The following GDPD4 variants were observed in gnomAD, a reference collection of about 807,000 sequenced individuals.
GDPD4 encodes glycerophosphodiester phosphodiesterase 6.
Under a neutral mutation model 67.8 loss-of-function variants are expected in GDPD4, and 60 were observed. The ratio of observed to expected loss-of-function variants is 0.88; its 90% CI spans 0.72 to 1.10. The LOEUF (loss-of-function observed/expected upper bound fraction) is 1.10. Among genes scored for constraint, GDPD4 ranks in the 50% least tolerant of loss-of-function variants. The pLI is 0.00. For missense variants in GDPD4, 623 were observed against 613.9 expected (o/e 1.01, Z -0.16); for synonymous variants, 212 against 210.9 (o/e 1.00, Z -0.04).
At chr11:77,233,331 T>C (rs996194311) in intron 13 of GDPD4, among the ~76,000 whole-genome samples, 159 bp from the exon 14 acceptor site, 7 of 151,264 alleles carry the variant, frequency 4.6e-5, no homozygotes, top group South Asian at 4.2e-4. Flanking sequence ...AATGGGCTCA[T>C]AGTACAATAA....
At chr11:77,222,446 G>C (rs1282545845) in intron 16 of GDPD4, among the ~76,000 whole-genome samples, 1 of 152,152 alleles carries the variant, frequency 6.6e-6, no homozygotes, top group East Asian at 1.9e-4. Context: ...GCATTTGCTT[G>C]TCTGTAAAGG....
At chr11:77,265,296 G>A (rs1959173203) in intron 10 of GDPD4, among the ~76,000 whole-genome samples, 1 of 152,182 alleles carries the variant, frequency 6.6e-6, no homozygotes, top group African/African-American at 2.4e-5. Flanking sequence ...CTCTAGAGCA[G>A]TACAGACCAC....
chr11:77,274,543 C>A (rs1470530805), intron 5 of GDPD4, among the ~76,000 whole-genome samples: 3 of 152,172 alleles, frequency 2.0e-5, no homozygotes, highest in Non-Finnish European at 4.4e-5. Context: ...GATATGCTGG[C>A]TCCCCACTTG....
intron 1 of GDPD4, among the ~76,000 whole-genome samples, chr11:77,297,453 G>A (rs991263163): frequency 2.7e-5 from 4 of 150,214 alleles, no homozygotes; most frequent in South Asian, 2.1e-4. Context: ...GGAGAATGGC[G>A]TGAACCCGGG....
intron 10 of GDPD4, among the ~76,000 whole-genome samples, chr11:77,264,299 C>T (rs1486323499): frequency 6.6e-5 from 10 of 152,050 alleles, no homozygotes; most frequent in East Asian, 1.9e-4. Flanking sequence ...TTCATATAAA[C>T]GTGTTTCACA....
intron 15 of GDPD4, 89 bp downstream of exon 15, chr11:77,229,061 G>C (rs774976747): frequency 1.6e-6 from 1 of 619,714 alleles, no homozygotes; most frequent in Middle Eastern, 4.5e-4. Context: ...GTGGGATTAC[G>C]GGAAGAGCGT....
At chr11:77,248,382 T>C (rs938352607) in intron 11 of GDPD4, among the ~76,000 whole-genome samples, 29 of 151,712 alleles carry the variant, frequency 1.9e-4, no homozygotes, top group Non-Finnish European at 2.5e-4. Flanking sequence ...GTTGTATTTT[T>C]ACTAGAGACA....
At chr11:77,266,203 G>A (rs577156443) in intron 10 of GDPD4, among the ~76,000 whole-genome samples, 1 of 152,114 alleles carries the variant, frequency 6.6e-6, no homozygotes, top group Non-Finnish European at 1.5e-5. Context: ...GGGGTGTATG[G>A]TAAGTATATA....
intron 1 of GDPD4, among the ~76,000 whole-genome samples, chr11:77,297,674 GGAT>G (rs1376198566): frequency 6.6e-6 from 1 of 152,120 alleles, no homozygotes; most frequent in African/African-American, 2.4e-5. Flanking sequence ...CTTTAAATGT[GGAT>G]GATAATGGTA....
chr11:77,254,808 CAA>C (rs748175495), intron 11 of GDPD4, among the ~76,000 whole-genome samples: 1 of 152,096 alleles, frequency 6.6e-6, no homozygotes, highest in Non-Finnish European at 1.5e-5. Flanking sequence ...ACAATAATCT[CAA>C]GATTAATAAA....
At chr11:77,258,964 C>G (rs1157950040) in intron 10 of GDPD4, among the ~76,000 whole-genome samples, 4 of 152,040 alleles carry the variant, frequency 2.6e-5, no homozygotes, top group Non-Finnish European at 5.9e-5. Context: ...CTGAGTATTT[C>G]TTTTTGTTTG....
intron 3 of GDPD4, 49 bp from the exon 4 acceptor site, chr11:77,279,448 C>T (rs1959652242): frequency 8.6e-7 from 1 of 1,168,552 alleles, no homozygotes; most frequent in Non-Finnish European, 1.3e-6. Flanking sequence ...AAATCAGTAG[C>T]ATCTGTGTCA....
Position 77,217,074 on chromosome 11 carries a change from G to A in GDPD4, c.*203C>T, listed in dbSNP as rs1958134589. 1.4e-6 allele frequency: 1 copy of A among 705,340 alleles called. No homozygotes were observed. The allele number at this position is 705,340 out of a possible 1,614,324, so 43.7% of individuals were successfully genotyped here. ...AGTTCAAAGACCACGGTGGGCATCG[G>A]TGGTTGAATCTCATGCTTGCCAGGC... On this transcript the variant is annotated 3_prime_UTR_variant, in exon 17 of 17. Transcript: ENST00000315938.
chr11:77,274,495 C>G (rs1959360070), intron 5 of GDPD4, among the ~76,000 whole-genome samples: 3 of 152,078 alleles, frequency 2.0e-5, no homozygotes, highest in African/African-American at 7.2e-5. Context: ...GGGCCTGGCA[C>G]CTCCTCCTTC....
rs1012182769 is a variant in GDPD4 at position 77,301,606 on chromosome 11, G to A, written c.-255C>T. The A allele has an allele frequency of 1.3e-5, 2 of 152,150 alleles. No homozygotes were observed. Among genetic ancestry groups the A allele is most frequent in the African/African-American group, 4.8e-5 (2 of 41,410 alleles). 9.4% of individuals were successfully genotyped at this position (152,150 alleles called of 1,614,324 possible). On this transcript the variant is annotated splice_region_variant and 5_prime_UTR_variant, in exon 1 of 17. Transcript: ENST00000315938. ...ACGGAACTGGGCACATTTACTTACC[G>A]AGACTTCCCAGTCCCAACCCAAATC... is the stretch of plus-strand genomic sequence containing the variant.
At chr11:77,268,356 C>G in intron 10 of GDPD4, 101 bp downstream of exon 10, 1 of 777,042 alleles carries the variant, frequency 1.3e-6, no homozygotes, top group African/African-American at 1.7e-5. Context: ...GGAACAACTC[C>G]CCAGGGCTTG....
chr11:77,237,866 A>G (rs1269003447), intron 13 of GDPD4, among the ~76,000 whole-genome samples: 2 of 152,208 alleles, frequency 1.3e-5, no homozygotes, highest in African/African-American at 2.4e-5. Flanking sequence ...GGTTGCAGTG[A>G]GCCGAGATCA....
chr11:77,266,872 C>T (rs921790019), intron 10 of GDPD4, among the ~76,000 whole-genome samples: 2 of 152,182 alleles, frequency 1.3e-5, no homozygotes, highest in Admixed American at 1.3e-4. Flanking sequence ...CAAAAAGTTA[C>T]AATAAGCTGG....
rs59656845 is a variant in GDPD4 at position 77,300,565 on chromosome 11, CTG to C, written c.-254+1038_-254+1039del. Among the ~76,000 whole-genome samples, 1,077 of 151,896 alleles carry C rather than the reference CTG, an allele frequency of 7.1e-3. 14 individuals carry two copies. Among genetic ancestry groups the C allele is most frequent in the African/African-American group, 0.025 (1,037 of 41,410 alleles). On this transcript the variant is annotated intron_variant, in intron 1 of 16. Transcript: ENST00000315938. ...AAAACAGAATAAGCAGAAAAAAAGT[CTG>C]TAAGGATATAGACGACTGTAAAAGT...
Sources: gnomAD v4.1 joint callset for allele counts (sites outside exome capture counted in the v4.1 genomes callset) on GRCh38, gnomAD v4.1.1 for gene constraint, MANE v1.5 for transcripts, NCBI Gene and HGNC (gene_info 2026-07-23, HGNC 2026-07-21) for gene names.